MARCHF5: variants seen among roughly 807,000 people sequenced by gnomAD.
MARCHF5 encodes the protein membrane associated ring-CH-type finger 5, also known as E3 ubiquitin-protein ligase MARCHF5.
MARCHF5 carries 5 observed loss-of-function variants against 36.5 expected under a neutral mutation model. That is an observed-to-expected ratio of 0.14 (90% CI 0.07 to 0.29). The LOEUF is 0.29. Ranked by LOEUF, MARCHF5 falls within the 10% of genes least tolerant of loss-of-function variation. MARCHF5 has a pLI of 1.00. For synonymous variants in MARCHF5, 103 were observed against 109.9 expected (o/e 0.94, Z 0.39); for missense variants, 179 against 336.3 (o/e 0.53, Z 3.66).
chr10:92,332,496 C>T (rs1001235287), intron 2 of MARCHF5, among the ~76,000 whole-genome samples: 5 of 147,486 alleles, frequency 3.4e-5, no homozygotes, highest in African/African-American at 7.5e-5. Context: ...TCTTTACTAT[C>T]GCATTAGGAT....
At chr10:92,345,398 C>T (rs561524337) in intron 3 of MARCHF5, among the ~76,000 whole-genome samples, 2 of 152,122 alleles carry the variant, frequency 1.3e-5, no homozygotes, top group South Asian at 2.1e-4. Context: ...CCAGCTACTC[C>T]GGATGCTGAG....
At chr10:92,343,525 A>G (rs1160231477) in intron 3 of MARCHF5, among the ~76,000 whole-genome samples, 3 of 152,214 alleles carry the variant, frequency 2.0e-5, no homozygotes, top group Non-Finnish European at 4.4e-5. Flanking sequence ...GCATCTACAT[A>G]GAAACTAACA....
At position 92,353,520 on chromosome 10, in the gene MARCHF5, AAGC is replaced by A. The variant is rs2135226562; in HGVS notation, c.*2316_*2318del. On this transcript the variant is annotated 3_prime_UTR_variant, in exon 6 of 6. Transcript: ENST00000358935. ...ACTTAGGCTCAAAATCGCCCCTACA[AAGC>A]AGTAGTTGTTTCTTAATTGCTAAGT... The A allele has an allele frequency of 6.6e-6, 1 of 152,334 alleles. No homozygotes were observed. The highest frequency in any genetic ancestry group is 1.9e-4 in the East Asian group (1 of 5,186). 9.4% of individuals were successfully genotyped at this position (152,334 alleles called of 1,614,324 possible).
At chr10:92,295,125 G>A (rs1475392164) in intron 1 of MARCHF5, among the ~76,000 whole-genome samples, 1 of 151,994 alleles carries the variant, frequency 6.6e-6, no homozygotes, top group Admixed American at 6.6e-5. Flanking sequence ...CATATGCCCA[G>A]TACTATTCTA....
chr10:92,329,447 T>G (rs948359348), intron 2 of MARCHF5, among the ~76,000 whole-genome samples: 2 of 152,230 alleles, frequency 1.3e-5, no homozygotes, highest in African/African-American at 4.8e-5. Context: ...ACTTCATGGC[T>G]TCAATTTTAT....
chr10:92,300,941 G>A (rs1394548729), intron 1 of MARCHF5, among the ~76,000 whole-genome samples: 2 of 141,642 alleles, frequency 1.4e-5, no homozygotes, highest in Admixed American at 7.7e-5. Context: ...TGCCCAAGCT[G>A]GAATGCAGTA....
At chr10:92,317,720 A>G (rs1590654659) in intron 2 of MARCHF5, among the ~76,000 whole-genome samples, 2 of 150,844 alleles carry the variant, frequency 1.3e-5, no homozygotes, top group East Asian at 1.9e-4. Context: ...TTGAACAGAA[A>G]TAGTTTTACT....
chr10:92,295,260 A>G (rs1176119628), intron 1 of MARCHF5, among the ~76,000 whole-genome samples: 1 of 136,404 alleles, frequency 7.3e-6, no homozygotes, highest in Non-Finnish European at 1.6e-5. Flanking sequence ...TATGAATGGT[A>G]TGTTCAATTT....
chr10:92,313,731 TAAC>T (rs1843174335), intron 2 of MARCHF5, among the ~76,000 whole-genome samples: 1 of 150,178 alleles, frequency 6.7e-6, no homozygotes, highest in Non-Finnish European at 1.5e-5. Context: ...CTACCAAAAA[TAAC>T]AAAAAAAAAT....
In MARCHF5 at chr10:92,351,178, C is replaced by T; in HGVS notation, c.808C>T (p.Leu270=). 2 of 1,612,296 alleles carry T rather than the reference C, an allele frequency of 1.2e-6. No individual in the cohort carries two copies. Among genetic ancestry groups the T allele is most frequent in the Non-Finnish European group, 1.7e-6 (2 of 1,178,672 alleles). The stretch of plus-strand genomic sequence containing the variant: ...TTTACGACAGGCACACCGCAAAATT[C>T]TGAATTATCCAGAACAAGAAGAAGC... ...QYLRQAHRKI[L]NYPEQEEA is the part of the protein sequence containing the mutation. The change falls in exon 6 of 6, where the codon CTG becomes TTG. Residue 270 remains leucine, a synonymous_variant. Transcript: ENST00000358935.
At chr10:92,294,838 C>CAA (rs1213504595) in intron 1 of MARCHF5, among the ~76,000 whole-genome samples, 1 of 152,082 alleles carries the variant, frequency 6.6e-6, no homozygotes, top group East Asian at 1.9e-4. Context: ...AGGAGTTAGA[C>CAA]ACCAGTGTGG....
At position 92,342,120 on chromosome 10, in the gene MARCHF5, C is replaced by A. The variant is rs533922325; in HGVS notation, c.369+1317C>A. On this transcript the variant is annotated intron_variant, in intron 3 of 5. Transcript: ENST00000358935. ...AGCCCATCCTATATTTTTAGAATTACGTTTGACTCTTCACCCCCCTCAATA... is the reference window on the plus strand; with the variant it reads ...AGCCCATCCTATATTTTTAGAATTAAGTTTGACTCTTCACCCCCCTCAATA... Among the ~76,000 whole-genome samples the A allele has an allele frequency of 8.3e-4, 126 of 151,338 alleles. 2 individuals carry two copies. The highest frequency in any genetic ancestry group is 6.6e-4 in the Non-Finnish European group (45 of 67,846).
intron 5 of MARCHF5, among the ~76,000 whole-genome samples, 168 bp from the exon 6 acceptor site, chr10:92,350,923 C>G (rs557257824): frequency 4.6e-5 from 7 of 152,276 alleles, no homozygotes; most frequent in African/African-American, 1.7e-4. Flanking sequence ...TAGTCTGTCT[C>G]TCTCCCTATC....
chr10:92,322,440 T>C (rs1206239462), intron 2 of MARCHF5, among the ~76,000 whole-genome samples: 26 of 115,854 alleles, frequency 2.2e-4, no homozygotes, highest in South Asian at 3.2e-4. Context: ...CTTTTTGTCC[T>C]TTTTTTTTTT....
At chr10:92,302,334 A>G (rs763690546) in intron 1 of MARCHF5, among the ~76,000 whole-genome samples, 1 of 152,210 alleles carries the variant, frequency 6.6e-6, no homozygotes, top group Non-Finnish European at 1.5e-5. Flanking sequence ...ACTAGGATGA[A>G]CGGACATATT....
chr10:92,292,747 G>A (rs1269953091), intron 1 of MARCHF5, among the ~76,000 whole-genome samples: 1 of 152,180 alleles, frequency 6.6e-6, no homozygotes, highest in Non-Finnish European at 1.5e-5. Context: ...ATATATGTGT[G>A]TGATATGTGT....
intron 1 of MARCHF5, 100 bp downstream of exon 1, chr10:92,291,629 G>A: frequency 1.4e-6 from 2 of 1,421,898 alleles, no homozygotes; most frequent in East Asian, 2.8e-5. Flanking sequence ...CCGGCGTGCC[G>A]GGAGGAGTTC....
intron 1 of MARCHF5, chr10:92,308,681 A>AT (rs1301327211): frequency 6.6e-6 from 1 of 150,488 alleles, no homozygotes; most frequent in Admixed American, 6.7e-5. Flanking sequence ...CTGAAAGTGC[A>AT]TAAGTGCGTG....
At chr10:92,325,003 A>G (rs1455139265) in intron 2 of MARCHF5, among the ~76,000 whole-genome samples, 1 of 152,104 alleles carries the variant, frequency 6.6e-6, no homozygotes, top group Admixed American at 6.6e-5. Flanking sequence ...GGTATTTTCA[A>G]GTTTTCCATT....
Sources: allele counts gnomAD v4.1 joint callset (sites outside exome capture counted in the v4.1 genomes callset), GRCh38; gene constraint gnomAD v4.1.1; transcripts MANE v1.5; gene names NCBI Gene and HGNC (gene_info 2026-07-23, HGNC 2026-07-21).